SPG11: variants seen among roughly 807,000 people sequenced by gnomAD.
SPG11 encodes the protein SPG11 vesicle trafficking associated, spatacsin.
Under a neutral mutation model 274.0 loss-of-function variants are expected in SPG11, and 222 were observed. The ratio of observed to expected loss-of-function variants is 0.81; its 90% CI spans 0.73 to 0.91. The LOEUF (loss-of-function observed/expected upper bound fraction) is 0.91. Ranked by LOEUF, SPG11 falls within the 40% of genes least tolerant of loss-of-function variation. The pLI is 0.00. For synonymous variants in SPG11, 1,144 were observed against 1,039.7 expected, an observed-to-expected ratio of 1.10 and a Z score of -1.93; for missense variants, 3,114 against 2,872.7, an observed-to-expected ratio of 1.08 and a Z score of -1.92.
In SPG11 at chr15:44,592,379, A is replaced by G. The variant is rs369641994; in HGVS notation, c.4695T>C (p.Tyr1565=). Residue 1565 remains tyrosine, a synonymous_variant, in exon 27 of 40, where the codon TAT becomes TAC. Transcript: ENST00000261866. ...CCAGAAGTTTAGCTTCAGCTTCTTTATAATTCCTGAAGAACATACACAGTT... is the reference window on the plus strand; with the variant it reads ...CCAGAAGTTTAGCTTCAGCTTCTTTGTAATTCCTGAAGAACATACACAGTT... ...MYELCMFFRN[Y]KEAEAKLLEF... 4 of 1,612,824 alleles carry G rather than the reference A, an allele frequency of 2.5e-6. No individual in the cohort carries two copies. The highest frequency in any genetic ancestry group is 1.7e-5 in the Admixed American group (1 of 60,004).
intron 1 of SPG11, 46 bp downstream of exon 1, chr15:44,663,345 T>C (rs762667925): frequency 3.2e-6 from 5 of 1,586,128 alleles, no homozygotes; most frequent in Admixed American, 1.8e-5. Context: ...CAGCCGAGCC[T>C]AGGCTCTGGA....
rs777449266 is a variant in SPG11 at position 44,584,218 on chromosome 15, C to T, written c.5462G>A (p.Arg1821Lys). The change falls in exon 30 of 40, where the codon AGA (arginine) becomes AAA (lysine). Residue 1821 changes from arginine to lysine, a missense_variant. By Grantham distance (26) the Arg-to-Lys change is conservative. Coordinates refer to ENST00000261866, the MANE Select transcript of SPG11 (RefSeq NM_025137.4). Reference sequence around the variant, plus strand: ...ACTAGTTGAGATCTGTCGAGAAAATCTGGGCTCTGTTTCCTCCTGATTTCT... The same window carrying T: ...ACTAGTTGAGATCTGTCGAGAAAATTTGGGCTCTGTTTCCTCCTGATTTCT... ...LGRNQEETEP[R>K]FSRQISTSGE... 34 of 1,614,090 alleles carry T rather than the reference C, an allele frequency of 2.1e-5. No homozygotes were observed. In the South Asian group the frequency reaches 3.6e-4, roughly 17 times the overall value.
chr15:44,606,413 C>A (rs1328441346), intron 19 of SPG11, among the ~76,000 whole-genome samples: 3 of 151,808 alleles, frequency 2.0e-5, no homozygotes, highest in East Asian at 1.9e-4. Flanking sequence ...CTTTTGGAAT[C>A]AAAAAGCAAG....
intron 7 of SPG11, among the ~76,000 whole-genome samples, chr15:44,644,307 T>G (rs1354587087): frequency 1.3e-5 from 2 of 152,242 alleles, no homozygotes; most frequent in East Asian, 3.9e-4. Context: ...TAAATGTGAT[T>G]CATCATATAA....
intron 30 of SPG11, 185 bp from the exon 31 acceptor site, chr15:44,575,226 C>G: frequency 1.5e-6 from 1 of 666,936 alleles, no homozygotes; most frequent in Non-Finnish European, 2.5e-6. Context: ...CCAGGAAATC[C>G]CACCCTGGGA....
intron 15 of SPG11, among the ~76,000 whole-genome samples, chr15:44,618,055 C>T (rs1180496545): frequency 1.3e-5 from 2 of 151,996 alleles, no homozygotes; most frequent in Non-Finnish European, 2.9e-5. Flanking sequence ...AAAAAAATAA[C>T]CGCTGGGATT....
intron 7 of SPG11, among the ~76,000 whole-genome samples, chr15:44,637,978 G>T (rs1014016068): frequency 1.3e-5 from 2 of 152,168 alleles, no homozygotes; most frequent in Non-Finnish European, 1.5e-5. Context: ...CCTAGGATAT[G>T]TATGTGTTTG....
intron 11 of SPG11, among the ~76,000 whole-genome samples, chr15:44,624,092 C>A (rs1407735054): frequency 6.6e-6 from 1 of 151,660 alleles, no homozygotes; most frequent in African/African-American, 2.4e-5. Context: ...ATTTAAAAAT[C>A]TCTTCAAGAG....
In SPG11 at chr15:44,583,885, T is replaced by G; in HGVS notation, c.5795A>C (p.His1932Pro). ...ASMEDLHPEI[H>P]ALLQSAELLE... ...CAGCTCAGCACTTTGTAGGAGAGCA[T>G]GGATCTCTGGGTGCAGATCCTCCAT... Residue 1932 changes from histidine (H) to proline (P), a missense_variant, in exon 30 of 40, where the codon CAT becomes CCT. By Grantham distance (77) the His-to-Pro change is moderately conservative. Coordinates refer to ENST00000261866, the MANE Select transcript of SPG11 (RefSeq NM_025137.4). 3 of 1,614,184 alleles carry G rather than the reference T, an allele frequency of 1.9e-6. No individual in the cohort carries two copies. Among genetic ancestry groups the G allele is most frequent in the Non-Finnish European group, 2.5e-6 (3 of 1,180,018 alleles).
At chr15:44,656,711 A>G (rs2084951682) in intron 4 of SPG11, among the ~76,000 whole-genome samples, 1 of 152,222 alleles carries the variant, frequency 6.6e-6, no homozygotes, top group African/African-American at 2.4e-5. Context: ...TTGACAATGA[A>G]TTTAAAGAAC....
At chr15:44,597,004 G>A (rs1806616537) in intron 23 of SPG11, 61 bp from the exon 24 acceptor site, 1 of 1,525,516 alleles carries the variant, frequency 6.6e-7, no homozygotes, top group Admixed American at 1.8e-5. Context: ...TTAAAATATA[G>A]CTTTAGCTTG....
chr15:44,583,428 A>G (rs558506756), intron 30 of SPG11, among the ~76,000 whole-genome samples: 6 of 152,312 alleles, frequency 3.9e-5, no homozygotes, highest in African/African-American at 1.2e-4. Context: ...ATTGCACTCC[A>G]GCCTGGGCGA....
At chr15:44,574,368 C>T (rs1421455426) in intron 31 of SPG11, among the ~76,000 whole-genome samples, 2 of 152,168 alleles carry the variant, frequency 1.3e-5, no homozygotes, top group Non-Finnish European at 2.9e-5. Context: ...TTATTATTCC[C>T]AGAGCAGCAG....
chr15:44,610,410 T>C (rs538454054), intron 18 of SPG11, among the ~76,000 whole-genome samples: 298 of 152,060 alleles, frequency 2.0e-3, no homozygotes, highest in African/African-American at 6.9e-3. Flanking sequence ...TGAGACGGAG[T>C]CCCGCTCTGT....
chr15:44,657,168 G>A lies in SPG11; in HGVS notation c.796C>T (p.Gln266Ter), dbSNP rs1234882277. 2.5e-6 allele frequency: 4 copies of A among 1,614,088 alleles called. No homozygotes were observed. The highest frequency in any genetic ancestry group is 3.4e-6 in the Non-Finnish European group (4 of 1,180,048). Residue 266 changes from glutamine (Q) to a stop codon, truncating the protein, a stop_gained, in exon 4 of 40, where the codon CAA (glutamine) becomes TAA (stop). Transcript: ENST00000261866. LOFTEE classifies it high-confidence loss of function. ...ISSFTSLKVS[Q>*]DLDVAVIVSS... is the part of the protein sequence containing the mutation. ...ACAATCACTGCAACATCGAGGTCTTGAGAAACTTTCAGTGAAGTAAATGAA... is the reference window on the plus strand; with the variant it reads ...ACAATCACTGCAACATCGAGGTCTTAAGAAACTTTCAGTGAAGTAAATGAA...
chr15:44,595,475 T>TA lies in SPG11; in HGVS notation c.4435-17dup, dbSNP rs1475937163. ...CACTGGCACCCTGCCACGGGATAAA[T>TA]AAAATAACAACTAGGCCTGGATTAC... On this transcript the variant is annotated splice_polypyrimidine_tract_variant and intron_variant, in intron 25 of 39. Coordinates refer to ENST00000261866, the MANE Select transcript of SPG11 (RefSeq NM_025137.4). 3 of 1,613,002 alleles carry TA rather than the reference T, an allele frequency of 1.9e-6. No homozygotes were observed. The highest frequency in any genetic ancestry group is 1.7e-6 in the Non-Finnish European group (2 of 1,179,158).
intron 34 of SPG11, 49 bp downstream of exon 34, chr15:44,570,476 T>A: frequency 6.2e-7 from 1 of 1,613,130 alleles, no homozygotes; most frequent in Non-Finnish European, 8.5e-7. Context: ...TTTCTACTAC[T>A]CTCAAAGGTT....
Position 44,613,499 on chromosome 15 carries a change from CT to C in SPG11, c.3075del (p.Glu1026SerfsTer12), listed in dbSNP as rs312262752. 1 of 1,613,070 alleles carries C rather than the reference CT, an allele frequency of 6.2e-7. No individual in the cohort carries two copies. The highest frequency in any genetic ancestry group is 1.1e-5 in the South Asian group (1 of 91,034). ...AACCAAGGGTGTGCTTCATGTAACTCTTTTTTTTCCAAAAAGGGACAATTTT... is the reference window on the plus strand; with the variant it reads ...AACCAAGGGTGTGCTTCATGTAACTCTTTTTTTCCAAAAAGGGACAATTTT... Reference protein sequence around the residue: ...SPENCPFLEKKELHEAHPWFE... With the variant: ...SPENCPFLEKXELHEAHPWFE... On this transcript the variant is annotated frameshift_variant, in exon 17 of 40. Coordinates refer to ENST00000261866, the MANE Select transcript of SPG11 (RefSeq NM_025137.4). LOFTEE classifies it high-confidence loss of function.
chr15:44,652,577 A>G (rs1045075222), intron 4 of SPG11, among the ~76,000 whole-genome samples: 1 of 152,174 alleles, frequency 6.6e-6, no homozygotes, highest in Non-Finnish European at 1.5e-5. Flanking sequence ...GGTAAATATA[A>G]CCCCATCTTA....
Sources: gnomAD v4.1 joint callset for allele counts (sites outside exome capture counted in the v4.1 genomes callset) on GRCh38, gnomAD v4.1.1 for gene constraint, MANE v1.5 for transcripts, NCBI Gene and HGNC (gene_info 2026-07-23, HGNC 2026-07-21) for gene names.